The following RAP1GDS1 variants were observed in gnomAD, a reference collection of about 807,000 sequenced individuals.
RAP1GDS1 encodes RAP1, GTP-GDP dissociation stimulator 1.
Under a neutral mutation model 71.1 loss-of-function variants are expected in RAP1GDS1, and 35 were observed. That is an observed-to-expected ratio of 0.49 (90% CI 0.38 to 0.65). The LOEUF (loss-of-function observed/expected upper bound fraction) is 0.65, where lower values mean the gene tolerates loss of function less well. Ranked by LOEUF, RAP1GDS1 falls within the 30% of genes least tolerant of loss-of-function variation. The pLI is 0.00. For missense variants in RAP1GDS1, 663 were observed against 706.1 expected (o/e 0.94, Z 0.69); for synonymous variants, 229 against 243.1 (o/e 0.94, Z 0.54).
At chr4:98,420,420 C>T (rs1026278714) in intron 11 of RAP1GDS1, among the ~76,000 whole-genome samples, 3 of 151,662 alleles carry the variant, frequency 2.0e-5, no homozygotes, top group Non-Finnish European at 4.4e-5. Flanking sequence ...GGCTGGAGTG[C>T]AGTGGTGCGA....
intron 2 of RAP1GDS1, among the ~76,000 whole-genome samples, chr4:98,313,108 C>T (rs1038892962): frequency 1.4e-5 from 2 of 142,116 alleles, no homozygotes; most frequent in East Asian, 2.3e-4. Flanking sequence ...GAAATTGGCT[C>T]ATGCAATTAT....
chr4:98,418,797 A>T lies in RAP1GDS1; in HGVS notation c.1174+6A>T, dbSNP rs894414662. 1.9e-6 allele frequency: 3 copies of T among 1,584,746 alleles called. No individual in the cohort carries two copies. Among genetic ancestry groups the T allele is most frequent in the Non-Finnish European group, 2.6e-6 (3 of 1,169,264 alleles). ...CAGAAACCTGGCCATTCCAGGTAAG[A>T]CTTAAGAATAGAAGGCAGCTGTGTA... On this transcript the variant is annotated splice_donor_region_variant and intron_variant, in intron 10 of 14. Transcript: ENST00000408927.
chr4:98,319,239 C>T (rs1412354319), intron 2 of RAP1GDS1, among the ~76,000 whole-genome samples: 1 of 152,122 alleles, frequency 6.6e-6, no homozygotes, highest in African/African-American at 2.4e-5. Flanking sequence ...TGAGTCATTG[C>T]ATGAATCTAG....
chr4:98,373,371 T>C (rs1425889976), intron 4 of RAP1GDS1, among the ~76,000 whole-genome samples: 1 of 151,662 alleles, frequency 6.6e-6, no homozygotes, highest in African/African-American at 2.4e-5. Flanking sequence ...TTCTCTCTCT[T>C]TCCCTCTCTC....
At chr4:98,285,096 T>A (rs760618592) in intron 1 of RAP1GDS1, among the ~76,000 whole-genome samples, 1 of 152,174 alleles carries the variant, frequency 6.6e-6, no homozygotes, top group Non-Finnish European at 1.5e-5. Context: ...CCAGTAAATT[T>A]GGGGTGGTTT....
chr4:98,412,871 A>G (rs923916327), intron 7 of RAP1GDS1, among the ~76,000 whole-genome samples: 2 of 152,148 alleles, frequency 1.3e-5, no homozygotes, highest in African/African-American at 4.8e-5. Flanking sequence ...GGAGTAGGTC[A>G]CAAAGATCAC....
At chr4:98,433,830 A>G (rs549965746) in intron 12 of RAP1GDS1, 106 bp from the exon 13 acceptor site, 333 of 1,058,684 alleles carry the variant, frequency 3.1e-4, no homozygotes, top group Admixed American at 5.9e-4. Flanking sequence ...AATGATTCAT[A>G]CAGGACACTG....
At chr4:98,285,941 A>G (rs1339085961) in intron 1 of RAP1GDS1, among the ~76,000 whole-genome samples, 2 of 148,476 alleles carry the variant, frequency 1.3e-5, no homozygotes, top group Non-Finnish European at 3.0e-5. Context: ...ATATATTCAT[A>G]TTTATTATAA....
intron 2 of RAP1GDS1, among the ~76,000 whole-genome samples, chr4:98,324,217 T>C (rs559498536): frequency 1.4e-5 from 2 of 144,028 alleles, no homozygotes; most frequent in African/African-American, 5.2e-5. Context: ...TTACAAGGGA[T>C]GTGAAGGACC....
chr4:98,341,048 C>T (rs531739587), intron 2 of RAP1GDS1, among the ~76,000 whole-genome samples: 1 of 152,196 alleles, frequency 6.6e-6, no homozygotes, highest in African/African-American at 2.4e-5. Flanking sequence ...TAAAAAAATA[C>T]ACTTTGTAGT....
At chr4:98,346,560 T>TA (rs1736306092) in intron 3 of RAP1GDS1, among the ~76,000 whole-genome samples, 1 of 148,176 alleles carries the variant, frequency 6.7e-6, no homozygotes, top group African/African-American at 2.5e-5. Flanking sequence ...GATTATTTAT[T>TA]TTTTTTTTTT....
intron 6 of RAP1GDS1, among the ~76,000 whole-genome samples, chr4:98,398,108 A>AGAT (rs1744816231): frequency 1.3e-5 from 2 of 152,164 alleles, no homozygotes; most frequent in East Asian, 3.8e-4. Context: ...CTAACATGGA[A>AGAT]GATAAATAGA....
At chr4:98,273,926 C>G (rs928584634) in intron 1 of RAP1GDS1, among the ~76,000 whole-genome samples, 4 of 152,156 alleles carry the variant, frequency 2.6e-5, no homozygotes, top group Non-Finnish European at 5.9e-5. Context: ...TTCCTTTGCA[C>G]TTGCAGTGAG....
At chr4:98,423,800 TC>T (rs753270507) in intron 12 of RAP1GDS1, among the ~76,000 whole-genome samples, 5 of 152,134 alleles carry the variant, frequency 3.3e-5, no homozygotes, top group Non-Finnish European at 7.4e-5. Context: ...TACCTCGGCC[TC>T]CCAAAGTGTT....
intron 1 of RAP1GDS1, among the ~76,000 whole-genome samples, chr4:98,264,428 A>G (rs1420913785): frequency 2.0e-5 from 3 of 152,112 alleles, no homozygotes; most frequent in South Asian, 2.1e-4. Context: ...TCTCATGGCA[A>G]TAATTTCCTA....
At chr4:98,320,141 A>G (rs542267616) in intron 2 of RAP1GDS1, among the ~76,000 whole-genome samples, 60 of 152,324 alleles carry the variant, frequency 3.9e-4, no homozygotes, top group Non-Finnish European at 7.9e-4. Context: ...ATATGTGTTA[A>G]TTGTTATGGG....
At chr4:98,291,764 T>C (rs890717842) in intron 1 of RAP1GDS1, among the ~76,000 whole-genome samples, 1 of 152,170 alleles carries the variant, frequency 6.6e-6, no homozygotes, top group Non-Finnish European at 1.5e-5. Context: ...TTGTTGTTTC[T>C]AAAATAACAG....
Position 98,390,211 on chromosome 4 carries a change from A to T in RAP1GDS1, c.509-1741A>T, listed in dbSNP as rs574235798. On this transcript the variant is annotated intron_variant, in intron 5 of 14. Coordinates refer to ENST00000408927, the MANE Select transcript of RAP1GDS1 (RefSeq NM_001100427.2). ...GGTGCATGATTATTACAAATACTAT[A>T]ACCATAATGCAACTATTCTGCCAAT... 3.3e-5 allele frequency among the ~76,000 whole-genome samples: 5 copies of T among 152,254 alleles called. No individual in the cohort carries two copies. The South Asian group carries it at 8.3e-4, about 25-fold the overall frequency.
intron 4 of RAP1GDS1, among the ~76,000 whole-genome samples, chr4:98,370,390 A>T (rs1664966714): frequency 6.6e-6 from 1 of 152,180 alleles, no homozygotes; most frequent in African/African-American, 2.4e-5. Context: ...TTGTGGATTC[A>T]TTATTTATAG....
Sources: allele counts gnomAD v4.1 joint callset (sites outside exome capture counted in the v4.1 genomes callset), GRCh38; gene constraint gnomAD v4.1.1; transcripts MANE v1.5; gene names NCBI Gene and HGNC (gene_info 2026-07-23, HGNC 2026-07-21).